SNTG2: variants seen among roughly 807,000 people sequenced by gnomAD.
SNTG2 encodes the protein gamma-2-syntrophin.
SNTG2 carries 74 observed loss-of-function variants against 70.9 expected under a neutral mutation model. The ratio of observed to expected loss-of-function variants is 1.04; its 90% CI spans 0.86 to 1.27. The LOEUF is 1.27. SNTG2 is among the 50% of genes most tolerant of loss of function. SNTG2 has a pLI of 0.00. For missense variants in SNTG2, 717 were observed against 690.7 expected (o/e 1.04, Z -0.43); for synonymous variants, 278 against 273.8 (o/e 1.02, Z -0.15).
At chr2:1,255,003 C>A (rs1456802657) in intron 12 of SNTG2, among the ~76,000 whole-genome samples, 2 of 152,148 alleles carry the variant, frequency 1.3e-5, no homozygotes, top group African/African-American at 4.8e-5. Flanking sequence ...GAGGTTCACG[C>A]TGCATGGGCC....
At chr2:1,174,102 G>A (rs1198569503) in intron 8 of SNTG2, among the ~76,000 whole-genome samples, 1 of 152,160 alleles carries the variant, frequency 6.6e-6, no homozygotes, top group Non-Finnish European at 1.5e-5. Flanking sequence ...TTTAGACTCT[G>A]TGTCAGTTAT....
rs745711703 is a variant in SNTG2, at chr2:1,083,531, T to C, written c.86T>C (p.Ile29Thr). 3.1e-6 allele frequency: 5 copies of C among 1,613,706 alleles called. No individual in the cohort carries two copies. The East Asian group carries it at 1.1e-4, about 36-fold the overall frequency. Residue 29 changes from isoleucine (I) to threonine (T), a missense_variant, in exon 2 of 17, where the codon ATT becomes ACT. Ile to Thr is a moderately conservative substitution (Grantham distance 89, BLOSUM62 -1). Transcript: ENST00000308624. ...TTGTCCCTACAGACGAAAACCACTA[T>C]TGCTCTGTTGTATGATGAAGAGTCC... ...LLVPARTKTT[I>T]ALLYDEESEN...
At chr2:1,244,496 A>C (rs1677276693) in intron 11 of SNTG2, among the ~76,000 whole-genome samples, 1 of 152,018 alleles carries the variant, frequency 6.6e-6, no homozygotes, top group Admixed American at 6.6e-5. Context: ...GGAGATTGAG[A>C]CCATCCTGGC....
chr2:965,031 G>A (rs897965523), intron 1 of SNTG2, among the ~76,000 whole-genome samples: 1 of 151,684 alleles, frequency 6.6e-6, no homozygotes, highest in African/African-American at 2.4e-5. Context: ...TCCTTTTCCT[G>A]CACCCCCAAT....
At chr2:1,004,467 C>A (rs969264684) in intron 1 of SNTG2, among the ~76,000 whole-genome samples, 8 of 152,206 alleles carry the variant, frequency 5.3e-5, no homozygotes, top group Non-Finnish European at 1.2e-4. Context: ...AACTAAAACT[C>A]AACTACAAAA....
chr2:1,182,296 TA>T (rs1306933562), intron 8 of SNTG2, among the ~76,000 whole-genome samples: 3 of 136,112 alleles, frequency 2.2e-5, no homozygotes, highest in Non-Finnish European at 4.7e-5. Flanking sequence ...CAAAAATGAA[TA>T]AGGAGTTATA....
intron 1 of SNTG2, among the ~76,000 whole-genome samples, chr2:974,999 A>G (rs190797060): frequency 4.3e-4 from 66 of 152,314 alleles, no homozygotes; most frequent in African/African-American, 1.4e-3. Context: ...CAGAGAGTGC[A>G]TGAAGAAGGT....
Position 1,066,446 on chromosome 2 carries a change from G to A in SNTG2, c.73-17072G>A, listed in dbSNP as rs1397427648. ...CGTTGAGTTCTCGGTGCGTCTCATC[G>A]ACTTGCTGGGCACACTTCTCAGATG... On this transcript the variant is annotated intron_variant, in intron 1 of 16. Coordinates refer to ENST00000308624, the MANE Select transcript of SNTG2 (RefSeq NM_018968.4). 6.0e-5 allele frequency among the ~76,000 whole-genome samples: 9 copies of A among 151,256 alleles called. No individual in the cohort carries two copies. In the East Asian group the frequency reaches 1.8e-3, roughly 30 times the overall value.
At chr2:1,211,624 T>C (rs978965473) in intron 9 of SNTG2, among the ~76,000 whole-genome samples, 1 of 152,170 alleles carries the variant, frequency 6.6e-6, no homozygotes, top group East Asian at 1.9e-4. Flanking sequence ...AAGGCATGTC[T>C]TACATGGCGG....
Position 1,137,548 on chromosome 2 carries a change from C to T in SNTG2, c.326-74C>T, listed in dbSNP as rs1266415553. 4 of 1,532,590 alleles carry T rather than the reference C, an allele frequency of 2.6e-6. No homozygotes were observed. In the African/African-American group the frequency reaches 4.1e-5, roughly 16 times the overall value. 94.9% of individuals were successfully genotyped at this position (1,532,590 alleles called of 1,614,324 possible). On this transcript the variant is annotated intron_variant, in intron 4 of 16. Transcript: ENST00000308624. Reference sequence around the variant, plus strand: ...CACTTCAGCTACTGCAAGCCCTGTGCTTAAATGACTGTCATAACAAAGCAT... The same window carrying T: ...CACTTCAGCTACTGCAAGCCCTGTGTTTAAATGACTGTCATAACAAAGCAT...
At chr2:1,017,821 A>G (rs904952248) in intron 1 of SNTG2, among the ~76,000 whole-genome samples, 2 of 152,192 alleles carry the variant, frequency 1.3e-5, no homozygotes, top group African/African-American at 4.8e-5. Context: ...AGTGTTAGCT[A>G]TGGAATGCAT....
chr2:1,164,331 G>T (rs1260105382), intron 6 of SNTG2, among the ~76,000 whole-genome samples: 1 of 124,126 alleles, frequency 8.1e-6, no homozygotes, highest in Admixed American at 7.9e-5. Context: ...GGCCTAGGAG[G>T]ATGAAGTGAG....
At chr2:993,103 T>C (rs1211566757) in intron 1 of SNTG2, among the ~76,000 whole-genome samples, 1 of 150,882 alleles carries the variant, frequency 6.6e-6, no homozygotes, top group Non-Finnish European at 1.5e-5. Context: ...ACTCTAAGTT[T>C]TAGGGTACAT....
chr2:1,005,817 A>G (rs1250322069), intron 1 of SNTG2, among the ~76,000 whole-genome samples: 2 of 1,446 alleles, frequency 1.4e-3, no homozygotes, highest in South Asian at 0.028. Flanking sequence ...ATATATATAT[A>G]TATATATATA....
At chr2:1,178,179 C>G (rs1023955823) in intron 8 of SNTG2, among the ~76,000 whole-genome samples, 2 of 152,152 alleles carry the variant, frequency 1.3e-5, no homozygotes, top group Non-Finnish European at 2.9e-5. Context: ...ATTGGGCTCT[C>G]TCTTGTAGAG....
At chr2:1,335,082 A>T (rs866106527) in intron 16 of SNTG2, among the ~76,000 whole-genome samples, 27 of 152,290 alleles carry the variant, frequency 1.8e-4, no homozygotes, top group Admixed American at 6.5e-4. Context: ...AAAGAGATTC[A>T]TGTGTTTTTG....
intron 1 of SNTG2, among the ~76,000 whole-genome samples, chr2:1,075,317 T>C (rs186796426): frequency 9.8e-5 from 15 of 152,338 alleles, no homozygotes; most frequent in Admixed American, 7.8e-4. Context: ...TACCACACAT[T>C]GCAGGGCTGA....
chr2:1,255,935 AATATATAT>A (rs66538518), intron 12 of SNTG2, among the ~76,000 whole-genome samples: 2 of 57,898 alleles, frequency 3.5e-5, no homozygotes, highest in Admixed American at 1.8e-4. Flanking sequence ...TAAATATATA[AATATATAT>A]ATATATAACT....
intron 1 of SNTG2, among the ~76,000 whole-genome samples, chr2:972,322 A>G (rs1225423085): frequency 1.3e-5 from 2 of 152,130 alleles, no homozygotes; most frequent in East Asian, 1.9e-4. Flanking sequence ...TCCTGTGTTG[A>G]GTCCATACAC....
Sources: allele counts gnomAD v4.1 joint callset (sites outside exome capture counted in the v4.1 genomes callset), GRCh38; gene constraint gnomAD v4.1.1; transcripts MANE v1.5; gene names NCBI Gene and HGNC (gene_info 2026-07-23, HGNC 2026-07-21).